Variants in GPM6B observed in about 807,000 individuals in gnomAD.
GPM6B encodes neuronal membrane glycoprotein M6-b.
In GPM6B, 4 loss-of-function variants were observed where a neutral mutation model predicts 27.2. The observed-to-expected ratio is 0.15, with a 90% CI of 0.07 to 0.34. GPM6B has a LOEUF of 0.34. Ranked by LOEUF, GPM6B falls within the 10% of genes least tolerant of loss-of-function variation. The pLI is 1.00. For missense variants in GPM6B, 183 were observed against 261.9 expected (o/e 0.70, Z 2.08); for synonymous variants, 124 against 103.1 (o/e 1.20, Z -1.23).
intron 2 of GPM6B, among the ~76,000 whole-genome samples, chrX:13,792,302 C>T (rs2048727412): frequency 8.9e-6 from 1 of 111,831 alleles, no homozygotes; most frequent in African/African-American, 3.3e-5. Flanking sequence ...AGAATATGCT[C>T]TTATAACAAA....
intron 1 of GPM6B, among the ~76,000 whole-genome samples, chrX:13,895,078 G>C (rs1158829785): frequency 8.9e-6 from 1 of 111,760 alleles, no homozygotes; most frequent in African/African-American, 3.3e-5. Flanking sequence ...TAATGGGAGA[G>C]ATCTGAATTT....
chrX:13,830,156 C>T (rs1362916917), intron 1 of GPM6B, among the ~76,000 whole-genome samples: 1 of 111,841 alleles, frequency 8.9e-6, no homozygotes, highest in African/African-American at 3.3e-5. Context: ...CCCATGAGCT[C>T]AGAATTCTTG....
chrX:13,932,016 G>A (rs890225047), intron 1 of GPM6B, among the ~76,000 whole-genome samples: 5 of 112,337 alleles, frequency 4.5e-5, no homozygotes, highest in African/African-American at 1.3e-4. Context: ...AGACACAAAC[G>A]ATTCTCTCAG....
At chrX:13,905,581 T>C (rs2050323186) in intron 1 of GPM6B, among the ~76,000 whole-genome samples, 1 of 112,006 alleles carries the variant, frequency 8.9e-6, no homozygotes, top group Admixed American at 9.5e-5. Context: ...AGTTTTCTAG[T>C]ACAACATGAA....
chrX:13,782,648 C>T (rs779323806), intron 4 of GPM6B, among the ~76,000 whole-genome samples: 50 of 106,540 alleles, frequency 4.7e-4, no homozygotes, highest in African/African-American at 1.7e-3. Context: ...CTGACTTGTA[C>T]AGGAGGCTGA....
chrX:13,916,088 C>T (rs1480095829), intron 1 of GPM6B, among the ~76,000 whole-genome samples: 2 of 111,790 alleles, frequency 1.8e-5, no homozygotes, highest in Admixed American at 9.5e-5. Context: ...GCAGGAAGGG[C>T]GCCTGAGGCA....
intron 1 of GPM6B, among the ~76,000 whole-genome samples, chrX:13,865,541 T>TAAAAAAAAAAAAAAAAAAAA (rs1569271152): frequency 3.2e-4 from 1 of 3,115 alleles, no homozygotes; most frequent in African/African-American, 7.2e-4. Context: ...ATCCATCTCT[T>TAAAAAAAAAAAAAAAAAAAA]CAAAAAAAAA....
chrX:13,920,662 A>C (rs1204157542), intron 1 of GPM6B, among the ~76,000 whole-genome samples: 4 of 111,135 alleles, frequency 3.6e-5, no homozygotes, highest in Non-Finnish European at 5.7e-5. Context: ...GAGGCTGAGG[A>C]GGGCAGATCA....
Position 13,886,716 on chromosome X carries a change from T to C in GPM6B, c.-198+51611A>G, listed in dbSNP as rs1186761393. ...GCCACCTCTCTCTACCTTAAGTCAC[T>C]ACTAAAAAAAAAAAAAAAAAAAAAA... is the stretch of plus-strand genomic sequence containing the variant. On this transcript the variant is annotated intron_variant, in intron 1 of 6. Transcript: ENST00000398361. Among the ~76,000 whole-genome samples the C allele has an allele frequency of 1.2e-3, 12 of 10,331 alleles. No individual in the cohort carries two copies. In the East Asian group the frequency reaches 0.33, roughly 287 times the overall value. 9.0% of individuals were successfully genotyped at this position (10,331 alleles called of 115,157 possible).
chrX:13,839,037 G>A (rs1164070194), intron 1 of GPM6B, among the ~76,000 whole-genome samples: 1 of 111,518 alleles, frequency 9.0e-6, no homozygotes, highest in African/African-American at 3.3e-5. Context: ...TGAGATCTCA[G>A]AACGGACCAA....
rs1172011750 is a variant in GPM6B at position 13,771,349 on chromosome X, GA to G, written c.*1531del. The stretch of plus-strand genomic sequence containing the variant: ...GAAAACAAAACACTAAGCTATTTTG[GA>G]ACAACTGTTCTACACAGAAGAGAGC... On this transcript the variant is annotated 3_prime_UTR_variant, in exon 8 of 8. Transcript: ENST00000316715. The G allele has an allele frequency of 1.9e-5, 2 of 106,894 alleles. No individual in the cohort carries two copies. Among genetic ancestry groups the G allele is most frequent in the Non-Finnish European group, 3.9e-5 (2 of 51,676 alleles). The allele number at this position is 106,894 out of a possible 1,213,427, so 8.8% of individuals were successfully genotyped here.
intron 1 of GPM6B, among the ~76,000 whole-genome samples, chrX:13,823,902 C>T (rs1441086515): frequency 8.9e-6 from 1 of 112,414 alleles, no homozygotes; most frequent in Non-Finnish European, 1.9e-5. Context: ...GAAACTGGTG[C>T]TGCATGAAAA....
chrX:13,884,294 GTGC>G (rs2050113607), intron 1 of GPM6B, among the ~76,000 whole-genome samples: 1 of 112,838 alleles, frequency 8.9e-6, no homozygotes, highest in South Asian at 3.6e-4. Flanking sequence ...CTATCAGACA[GTGC>G]TGGTCTAGAA....
At chrX:13,865,121 G>A (rs187851978) in intron 1 of GPM6B, among the ~76,000 whole-genome samples, 1 of 111,260 alleles carries the variant, frequency 9.0e-6, no homozygotes, top group Non-Finnish European at 1.9e-5. Context: ...GAATAAAGGG[G>A]GACTACTGTA....
intron 2 of GPM6B, among the ~76,000 whole-genome samples, chrX:13,798,066 C>T (rs967013308): frequency 9.1e-6 from 1 of 110,480 alleles, no homozygotes; most frequent in African/African-American, 3.3e-5. Context: ...CATGAGCACA[C>T]ACGTATGTCA....
intron 1 of GPM6B, among the ~76,000 whole-genome samples, chrX:13,914,766 G>A (rs2147060900): frequency 8.9e-6 from 1 of 111,878 alleles, no homozygotes; most frequent in South Asian, 3.7e-4. Flanking sequence ...AATTACAAAA[G>A]CATCCATACA....
intron 1 of GPM6B, among the ~76,000 whole-genome samples, chrX:13,851,163 C>A (rs189194341): frequency 0.028 from 1,701 of 59,905 alleles, 22 homozygotes; most frequent in Non-Finnish European, 0.041. Flanking sequence ...ACTCCATCTC[C>A]AAAAAAAAAA....
intron 1 of GPM6B, among the ~76,000 whole-genome samples, chrX:13,835,518 A>G (rs987417776): frequency 8.9e-6 from 1 of 112,000 alleles, no homozygotes; most frequent in Non-Finnish European, 1.9e-5. Flanking sequence ...CTTCAACTCT[A>G]CAATGGGAGC....
intron 1 of GPM6B, among the ~76,000 whole-genome samples, chrX:13,905,566 G>A (rs1478829640): frequency 8.9e-6 from 1 of 111,794 alleles, no homozygotes; most frequent in African/African-American, 3.3e-5. Context: ...CCGCCTCCAA[G>A]AAGGAGTTTT....
Sources: gnomAD v4.1 joint callset for allele counts (sites outside exome capture counted in the v4.1 genomes callset) on GRCh38, gnomAD v4.1.1 for gene constraint, MANE v1.5 for transcripts, NCBI Gene and HGNC (gene_info 2026-07-23, HGNC 2026-07-21) for gene names.